Variants in CZIB observed in about 807,000 individuals in gnomAD.
CZIB encodes the protein UPF0587 protein C1orf123.
In CZIB, 26 loss-of-function variants were observed where a neutral mutation model predicts 28.3. That is an observed-to-expected ratio of 0.92 (90% CI 0.67 to 1.27). The LOEUF is 1.27. Among genes scored for constraint, CZIB ranks in the 50% most tolerant of loss-of-function variants. The pLI is 0.00. For missense variants in CZIB, 179 were observed against 197.3 expected (o/e 0.91, Z 0.56); for synonymous variants, 78 against 71.1 (o/e 1.10, Z -0.49).
At chr1:53,219,172 G>T in intron 2 of CZIB, 1 of 502,460 alleles carries the variant, frequency 2.0e-6, no homozygotes. Flanking sequence ...GGGGATTCAA[G>T]GCACCTGTGG....
Position 53,220,332 on chromosome 1 carries a change from G to T in CZIB, c.19C>A (p.Gln7Lys). The change falls in exon 2 of 8, where the codon CAA becomes AAA. Residue 7 changes from glutamine (Q) to lysine (K), a missense_variant. By Grantham distance (53) the Gln-to-Lys change is moderately conservative. Transcript: ENST00000294360. ...ATGTTCTCCAGCGTGGCTTTGAGTT[G>T]CAGCGCGATTTTCTGAGGGGGAGGG... MGKIALQLKATLENITN... is the reference protein window; with the variant it reads MGKIALKLKATLENITN... 6.2e-7 allele frequency: 1 copy of T among 1,613,080 alleles called. No homozygotes were observed. The highest frequency in any genetic ancestry group is 8.5e-7 in the Non-Finnish European group (1 of 1,179,918).
In CZIB at chr1:53,219,150, C is replaced by T. The variant is rs1645498162; in HGVS notation, c.91-227G>A. ...CGTGCCCACCCTCCTCTATGAAGTGCTCAGTGTGGCCGGGGATTCAAGGCA... is the reference window on the plus strand; with the variant it reads ...CGTGCCCACCCTCCTCTATGAAGTGTTCAGTGTGGCCGGGGATTCAAGGCA... On this transcript the variant is annotated intron_variant, in intron 2 of 7. Coordinates refer to ENST00000294360, the MANE Select transcript of CZIB (RefSeq NM_017887.3). 14 of 551,288 alleles carry T rather than the reference C, an allele frequency of 2.5e-5. No homozygotes were observed. The Middle Eastern group carries it at 1.4e-3, about 56-fold the overall frequency. The allele number at this position is 551,288 out of a possible 1,614,324, so 34.1% of individuals were successfully genotyped here.
chr1:53,217,962 G>A (rs760792723), intron 5 of CZIB: 4 of 598,840 alleles, frequency 6.7e-6, no homozygotes, highest in Non-Finnish European at 8.9e-6. Flanking sequence ...AGCTCTCACA[G>A]CCCAGCCCTC....
rs368410313 is a variant in CZIB, at chr1:53,216,071, A to G, written c.340-15T>C. ...GCAAACCCAGCCTGCAGGGCACAAG[A>G]AGGTACCAGTTAGTCTTGGCAAAAG... is the stretch of plus-strand genomic sequence containing the variant. On this transcript the variant is annotated splice_polypyrimidine_tract_variant and intron_variant, in intron 6 of 7. Transcript: ENST00000294360. 2.5e-6 allele frequency: 4 copies of G among 1,613,932 alleles called. No homozygotes were observed. The highest frequency in any genetic ancestry group is 3.4e-6 in the Non-Finnish European group (4 of 1,179,860).
At chr1:53,220,458 C>A in intron 1 of CZIB, 112 bp downstream of exon 1, 1 of 1,579,980 alleles carries the variant, frequency 6.3e-7, no homozygotes. Flanking sequence ...CTTCTGCCTC[C>A]TGCTCCTTCA....
rs1645456380 is a variant in CZIB, at chr1:53,214,558, A to G, written c.*101T>C. 3.1e-6 allele frequency: 3 copies of G among 960,726 alleles called. No homozygotes were observed. Among genetic ancestry groups the G allele is most frequent in the Non-Finnish European group, 4.9e-6 (3 of 617,026 alleles). 59.5% of individuals were successfully genotyped at this position (960,726 alleles called of 1,614,324 possible). Reference sequence around the variant, plus strand: ...CAGATTGTGAAGGTTTCGTATAGCCACCAGGAGACAAGGGTCAAAGGAACG... The same window carrying G: ...CAGATTGTGAAGGTTTCGTATAGCCGCCAGGAGACAAGGGTCAAAGGAACG... On this transcript the variant is annotated 3_prime_UTR_variant, in exon 8 of 8. Coordinates refer to ENST00000294360, the MANE Select transcript of CZIB (RefSeq NM_017887.3).
At chr1:53,216,952 C>T in intron 5 of CZIB, 93 bp from the exon 6 acceptor site, 1 of 1,072,920 alleles carries the variant, frequency 9.3e-7, no homozygotes, top group Non-Finnish European at 1.4e-6. Context: ...GCACTTACTG[C>T]CCCTGGAGGC....
intron 5 of CZIB, chr1:53,217,922 G>C (rs1572390412): frequency 4.0e-6 from 2 of 506,040 alleles, no homozygotes; most frequent in Non-Finnish European, 7.0e-6. Context: ...GATGCAAACT[G>C]AACAGCTAGG....
intron 7 of CZIB, 143 bp downstream of exon 7, chr1:53,215,848 A>G: frequency 1.3e-6 from 1 of 766,724 alleles, no homozygotes. Flanking sequence ...TTAGCACTAT[A>G]CCTGTGGCCA....
At chr1:53,216,976 C>A in intron 5 of CZIB, 117 bp from the exon 6 acceptor site, 1 of 847,962 alleles carries the variant, frequency 1.2e-6, no homozygotes, top group Non-Finnish European at 2.0e-6. Flanking sequence ...GTATGAGACC[C>A]AGGAAGAACT....
chr1:53,220,397 C>T, intron 1 of CZIB, 53 bp from the exon 2 acceptor site: 1 of 1,592,320 alleles, frequency 6.3e-7, no homozygotes, highest in East Asian at 2.2e-5. Context: ...CAGCCCCACG[C>T]CTGCCCGACC....
chr1:53,215,672 C>T lies in CZIB; in HGVS notation c.405+319G>A, dbSNP rs536791592. Among the ~76,000 whole-genome samples the T allele has an allele frequency of 2.0e-5, 3 of 152,276 alleles. No individual in the cohort carries two copies. The East Asian group carries it at 5.8e-4, about 29-fold the overall frequency. ...TTTCATCAACCAATCAATAATCTAG[C>T]TTTATGTGTTTCTGTTTAAAGATAA... On this transcript the variant is annotated intron_variant, in intron 7 of 7. Coordinates refer to ENST00000294360, the MANE Select transcript of CZIB (RefSeq NM_017887.3).
chr1:53,218,869 T>C lies in CZIB; in HGVS notation c.145A>G (p.Met49Val), dbSNP rs748692099. The change falls in exon 3 of 8, where the codon ATG becomes GTG. Residue 49 changes from methionine to valine, a missense_variant and splice_region_variant. By Grantham distance (21) the Met-to-Val change is conservative. Coordinates refer to ENST00000294360, the MANE Select transcript of CZIB (RefSeq NM_017887.3). ...GGGGTTGGGCGGGGAACAGTTACCATCAGCCGGATGTACTGCCACTTGTCC... is the reference window on the plus strand; with the variant it reads ...GGGGTTGGGCGGGGAACAGTTACCACCAGCCGGATGTACTGCCACTTGTCC... ...ISDKWQYIRL[M>V]DSVALKGGRG... 4 of 1,612,588 alleles carry C rather than the reference T, an allele frequency of 2.5e-6. No individual in the cohort carries two copies. In the Admixed American group the frequency reaches 6.7e-5, roughly 27 times the overall value.
chr1:53,219,526 G>C (rs563854113), intron 2 of CZIB: 39 of 153,640 alleles, frequency 2.5e-4, no homozygotes, highest in African/African-American at 9.2e-4. Context: ...CACTCTGCTT[G>C]GTTAGCTTTA....
In CZIB at chr1:53,214,617, G is replaced by A. The variant is rs1481634387; in HGVS notation, c.*42C>T. The A allele has an allele frequency of 2.6e-6, 4 of 1,562,566 alleles. No homozygotes were observed. The highest frequency in any genetic ancestry group is 1.7e-5 in the Admixed American group (1 of 59,744). On this transcript the variant is annotated 3_prime_UTR_variant, in exon 8 of 8. Coordinates refer to ENST00000294360, the MANE Select transcript of CZIB (RefSeq NM_017887.3). ...TGGGCTCTGCTGCTTAGAGTACTTT[G>A]TCCTTTCTCAGTTCTTAAGGGCAAC...
intron 4 of CZIB, 49 bp from the exon 5 acceptor site, chr1:53,218,252 C>G (rs1645486649): frequency 6.2e-6 from 10 of 1,607,306 alleles, no homozygotes; most frequent in Non-Finnish European, 8.5e-6. Context: ...ATACCCTCGC[C>G]CCAGCCAGGT....
Position 53,220,319 on chromosome 1 carries a change from G to A in CZIB, c.32C>T (p.Thr11Met), listed in dbSNP as rs1202655706. 15 of 1,613,420 alleles carry A rather than the reference G, an allele frequency of 9.3e-6. No homozygotes were observed. The highest frequency in any genetic ancestry group is 1.2e-5 in the Non-Finnish European group (14 of 1,179,944). ...CCGGAGGTTGGTGATGTTCTCCAGC[G>A]TGGCTTTGAGTTGCAGCGCGATTTT... The part of the protein sequence containing the change: MGKIALQLKA[T>M]LENITNLRPV... Residue 11 changes from threonine to methionine, a missense_variant, in exon 2 of 8, where the codon ACG (threonine) becomes ATG (methionine). Physicochemically the swap from Thr to Met is moderately conservative, Grantham distance 81. Coordinates refer to ENST00000294360, the MANE Select transcript of CZIB (RefSeq NM_017887.3).
At chr1:53,215,630 T>C (rs1431354622) in intron 7 of CZIB, among the ~76,000 whole-genome samples, 2 of 152,360 alleles carry the variant, frequency 1.3e-5, no homozygotes, top group South Asian at 2.1e-4. Context: ...TAGGTTCCTA[T>C]GAGCCTCTGG....
At position 53,218,171 on chromosome 1, in the gene CZIB, C is replaced by T. The variant is rs751726732; in HGVS notation, c.261+1G>A. ...CCCTGCCACTACAGCAGCAAACTTA[C>T]ATTGTAAGGCTTGATGGTGCTGCTT... On this transcript the variant is annotated splice_donor_variant, in intron 5 of 7. Coordinates refer to ENST00000294360, the MANE Select transcript of CZIB (RefSeq NM_017887.3). LOFTEE classifies it high-confidence loss of function. The T allele has an allele frequency of 6.2e-7, 1 of 1,614,110 alleles. No individual in the cohort carries two copies. Among genetic ancestry groups the T allele is most frequent in the South Asian group, 1.1e-5 (1 of 91,076 alleles).
Sources: allele counts gnomAD v4.1 joint callset (sites outside exome capture counted in the v4.1 genomes callset), GRCh38; gene constraint gnomAD v4.1.1; transcripts MANE v1.5; gene names NCBI Gene and HGNC (gene_info 2026-07-23, HGNC 2026-07-21).